Variants in UTRN observed in about 807,000 individuals in gnomAD.
The protein encoded by UTRN is dystrophin-related protein 1.
In UTRN, 283 loss-of-function variants were observed where a neutral mutation model predicts 463.9. The observed-to-expected ratio is 0.61, with a 90% CI of 0.55 to 0.67. UTRN has a LOEUF of 0.67. UTRN is among the 30% of genes least tolerant of loss of function. UTRN has a pLI of 0.00. For missense variants in UTRN, 3,922 were observed against 4,084.3 expected, an observed-to-expected ratio of 0.96 and a Z score of 1.08; for synonymous variants, 1,442 against 1,431.5, an observed-to-expected ratio of 1.01 and a Z score of -0.17.
chr6:144,639,045 A>T (rs1231622871), intron 51 of UTRN, among the ~76,000 whole-genome samples: 1 of 152,132 alleles, frequency 6.6e-6, no homozygotes, highest in Non-Finnish European at 1.5e-5. Context: ...CTCCAGCCTA[A>T]GGGACAGAAT....
rs376006544 is a variant in UTRN, at chr6:144,448,554, A to C, written c.1903-46A>C. 1.6e-5 allele frequency: 26 copies of C among 1,587,896 alleles called. No homozygotes were observed. In the African/African-American group the frequency reaches 3.0e-4, roughly 18 times the overall value. On this transcript the variant is annotated intron_variant, in intron 16 of 74. Coordinates refer to ENST00000367545, the MANE Select transcript of UTRN (RefSeq NM_007124.3). ...TTTATAGCATGTGAATTACATCTCAATGAAGCTGTTATAAACATTGAAATT... is the reference window on the plus strand; with the variant it reads ...TTTATAGCATGTGAATTACATCTCACTGAAGCTGTTATAAACATTGAAATT...
At chr6:144,571,364 A>G (rs529213653) in intron 50 of UTRN, among the ~76,000 whole-genome samples, 2 of 152,332 alleles carry the variant, frequency 1.3e-5, no homozygotes, top group East Asian at 3.9e-4. Context: ...CAAAAAAACC[A>G]ACAACCACTA....
At chr6:144,818,670 G>T (rs1779293802) in intron 65 of UTRN, among the ~76,000 whole-genome samples, 1 of 152,160 alleles carries the variant, frequency 6.6e-6, no homozygotes, top group African/African-American at 2.4e-5. Flanking sequence ...TTATACACGG[G>T]TCCTCTTTAT....
intron 52 of UTRN, among the ~76,000 whole-genome samples, chr6:144,683,299 G>A (rs1782398913): frequency 1.3e-5 from 2 of 152,164 alleles, no homozygotes; most frequent in Non-Finnish European, 2.9e-5. Context: ...TATGGGCTGA[G>A]CTAAGCATGC....
intron 65 of UTRN, among the ~76,000 whole-genome samples, chr6:144,812,285 A>C (rs1778689239): frequency 6.6e-6 from 1 of 152,082 alleles, no homozygotes; most frequent in Admixed American, 6.6e-5. Flanking sequence ...GTCTTTGGGG[A>C]TAATAATAAG....
chr6:144,420,350 G>T (rs1784725389), intron 3 of UTRN, among the ~76,000 whole-genome samples: 2 of 152,104 alleles, frequency 1.3e-5, no homozygotes, highest in African/African-American at 2.4e-5. Context: ...GATCTTTACA[G>T]TGACTTTTGA....
chr6:144,652,450 T>C, intron 51 of UTRN, among the ~76,000 whole-genome samples: 1 of 152,210 alleles, frequency 6.6e-6, no homozygotes, highest in East Asian at 1.9e-4. Flanking sequence ...AGCATCTCTT[T>C]AGACACTAGT....
chr6:144,301,508 T>C (rs997644101), intron 2 of UTRN, among the ~76,000 whole-genome samples: 5 of 150,328 alleles, frequency 3.3e-5, no homozygotes, highest in Non-Finnish European at 7.4e-5. Context: ...TTTAGGGAAG[T>C]CTCATGCCAT....
Position 144,514,714 on chromosome 6 carries a change from T to A in UTRN, c.5138T>A (p.Ile1713Asn). 1 of 1,614,200 alleles carries A rather than the reference T, an allele frequency of 6.2e-7. No individual in the cohort carries two copies. Among genetic ancestry groups the A allele is most frequent in the Non-Finnish European group, 8.5e-7 (1 of 1,180,026 alleles). The change falls in exon 37 of 75, where the codon ATT (isoleucine) becomes AAT (asparagine). Residue 1713 changes from isoleucine to asparagine, a missense_variant. Ile to Asn is a moderately radical substitution (Grantham distance 149). Around this residue, in one of 3 missense-constraint regions of UTRN, gnomAD observed 2,349 missense variants for 2,303.8 expected, o/e 1.02. Coordinates refer to ENST00000367545, the MANE Select transcript of UTRN (RefSeq NM_007124.3). ...QVENVRDQAL[I>N]LMNARGSSSR... ...GAAAATGTCCGCGATCAAGCCCTTA[T>A]TTTGATGAATGCCCGTGGAAGCTCA... is the stretch of plus-strand genomic sequence containing the variant.
chr6:144,437,407 G>T (rs1018872521), intron 10 of UTRN, among the ~76,000 whole-genome samples, 158 bp from the exon 11 acceptor site: 20 of 151,982 alleles, frequency 1.3e-4, no homozygotes, highest in African/African-American at 4.6e-4. Flanking sequence ...TATTTTCAGA[G>T]ATTAAAAAAT....
At position 144,423,599 on chromosome 6, in the gene UTRN, A is replaced by G. The variant is rs1785042507; in HGVS notation, c.285A>G (p.Arg95=). The G allele has an allele frequency of 6.2e-7, 1 of 1,614,108 alleles. No individual in the cohort carries two copies. Among genetic ancestry groups the G allele is most frequent in the African/African-American group, 1.3e-5 (1 of 74,938 alleles). ...TACATGCCTTAAATAACGTCAACAG[A>G]GTGCTGCAGGTTTTACATCAGAACA... The part of the protein sequence containing the change: ...TRVHALNNVN[R]VLQVLHQNNV... Residue 95 remains arginine (R), a synonymous_variant, in exon 5 of 75, where the codon AGA becomes AGG. Transcript: ENST00000367545.
chr6:144,321,987 C>T (rs932075547), intron 2 of UTRN, among the ~76,000 whole-genome samples: 4 of 151,826 alleles, frequency 2.6e-5, no homozygotes, highest in Admixed American at 6.6e-5. Context: ...TGGTCTTGAA[C>T]TTCTGACTTC....
chr6:144,350,270 AT>A (rs1333941694), intron 2 of UTRN, among the ~76,000 whole-genome samples: 13 of 151,964 alleles, frequency 8.6e-5, no homozygotes, highest in Admixed American at 1.3e-4. Flanking sequence ...AAAAAAAAAA[AT>A]GTAATGCAAA....
chr6:144,577,325 G>T (rs1801535288), intron 51 of UTRN, 37 bp downstream of exon 51: 1 of 1,597,774 alleles, frequency 6.3e-7, no homozygotes, highest in Non-Finnish European at 8.6e-7. Context: ...ACCTGTGTTT[G>T]CCCTGTGTGC....
chr6:144,717,634 C>CTTTTTTTTTTTTTTTTTTTTTTTTT (rs869170852), intron 53 of UTRN, among the ~76,000 whole-genome samples: 13 of 70,092 alleles, frequency 1.9e-4, no homozygotes, highest in Non-Finnish European at 2.8e-4. Context: ...TTTCTTTTTT[C>CTTTTTTTTTTTTTTTTTTTTTTTTT]TTTTTTTTTT....
chr6:144,548,574 C>A, intron 46 of UTRN, 66 bp from the exon 47 acceptor site: 1 of 1,465,752 alleles, frequency 6.8e-7, no homozygotes, highest in Non-Finnish European at 9.4e-7. Context: ...CACGTGTCAC[C>A]ATGACACCAC....
chr6:144,434,994 T>C (rs78454929), intron 9 of UTRN, among the ~76,000 whole-genome samples: 260 of 152,306 alleles, frequency 1.7e-3, no homozygotes, highest in African/African-American at 5.4e-3. Flanking sequence ...AAGATGATGC[T>C]AGAAAGGTCC....
At chr6:144,652,978 G>T (rs1017327162) in intron 51 of UTRN, among the ~76,000 whole-genome samples, 12 of 152,142 alleles carry the variant, frequency 7.9e-5, no homozygotes, top group Admixed American at 5.9e-4. Flanking sequence ...TACTCAGGAA[G>T]GTAAATGTGT....
intron 51 of UTRN, among the ~76,000 whole-genome samples, chr6:144,668,707 A>G (rs2128677055): frequency 6.6e-6 from 1 of 152,234 alleles, no homozygotes; most frequent in African/African-American, 2.4e-5. Flanking sequence ...TAGGGGTAGT[A>G]ATCTCGTTCA....
Sources: allele counts gnomAD v4.1 joint callset (sites outside exome capture counted in the v4.1 genomes callset), GRCh38; gene constraint gnomAD v4.1.1; regional missense constraint gnomAD v4.1.1; transcripts MANE v1.5; gene names NCBI Gene and HGNC (gene_info 2026-07-23, HGNC 2026-07-21).